CEP63: variants seen among roughly 807,000 people sequenced by gnomAD.
CEP63 encodes centrosomal protein of 63 kDa.
In CEP63, 84 loss-of-function variants were observed where a neutral mutation model predicts 89.1. The observed-to-expected ratio is 0.94, with a 90% CI of 0.79 to 1.13. The LOEUF (loss-of-function observed/expected upper bound fraction) is 1.13, where lower values mean the gene tolerates loss of function less well. CEP63 is among the 50% of genes most tolerant of loss of function. The probability of loss-of-function intolerance (pLI) is 0.00; values close to 1 mark genes in which losing one functional copy is unlikely to be tolerated. For missense variants in CEP63, 838 were observed against 813.3 expected, an observed-to-expected ratio of 1.03 and a Z score of -0.37; for synonymous variants, 267 against 272.5, an observed-to-expected ratio of 0.98 and a Z score of 0.20.
At chr3:134,716,882 A>T in the CEP63 span, among the ~76,000 whole-genome samples, 1 of 136,518 alleles carries the variant, frequency 7.3e-6, no homozygotes. Context: ...TGCAACACTC[A>T]AGTACAAAAG....
chr3:134,597,044 G>A, the CEP63 span, among the ~76,000 whole-genome samples: 1 of 152,190 alleles, frequency 6.6e-6, no homozygotes, highest in Admixed American at 6.5e-5. Context: ...TCACATGGTT[G>A]ATGATTCTAA....
At chr3:134,548,518 A>G (rs1954105555) in intron 9 of CEP63, among the ~76,000 whole-genome samples, 1 of 152,188 alleles carries the variant, frequency 6.6e-6, no homozygotes, top group African/African-American at 2.4e-5. Context: ...CTTGTTTTAA[A>G]CACATGAATC....
At chr3:134,511,782 A>G (rs1020863036) in intron 3 of CEP63, among the ~76,000 whole-genome samples, 5 of 152,122 alleles carry the variant, frequency 3.3e-5, no homozygotes, top group Non-Finnish European at 5.9e-5. Context: ...TATCACAAGA[A>G]CAGCAAGGGG....
the CEP63 span, chr3:134,606,936 G>C: frequency 1.0e-6 from 1 of 984,414 alleles, no homozygotes; most frequent in African/African-American, 1.8e-5. Context: ...TCCCTATTTT[G>C]TTTCCTTCCC....
downstream of CEP63, among the ~76,000 whole-genome samples, chr3:134,590,738 C>T (rs1958581531): frequency 6.6e-6 from 1 of 152,074 alleles, no homozygotes; most frequent in Non-Finnish European, 1.5e-5. Flanking sequence ...CTAGCATTTG[C>T]TTAGTTTTTT....
chr3:134,643,849 C>G, the CEP63 span, among the ~76,000 whole-genome samples: 17 of 130,698 alleles, frequency 1.3e-4, no homozygotes, highest in Admixed American at 1.2e-3. Flanking sequence ...TTTTTTGAGA[C>G]GGAGTCTCGC....
chr3:134,621,364 A>G, the CEP63 span, among the ~76,000 whole-genome samples: 1 of 152,204 alleles, frequency 6.6e-6, no homozygotes, highest in Admixed American at 6.5e-5. Flanking sequence ...ACTGCCATGA[A>G]GATTATATAG....
At chr3:134,707,818 T>A in the CEP63 span, among the ~76,000 whole-genome samples, 1 of 142,040 alleles carries the variant, frequency 7.0e-6, no homozygotes, top group Admixed American at 7.6e-5. Flanking sequence ...TCAGTCCTCC[T>A]CTCACTCTGG....
chr3:134,727,536 A>G, the CEP63 span, among the ~76,000 whole-genome samples: 5 of 152,334 alleles, frequency 3.3e-5, no homozygotes, highest in African/African-American at 1.2e-4. Flanking sequence ...CTGAAGAAGG[A>G]TAAAGGCCAC....
chr3:134,696,760 C>T, the CEP63 span, among the ~76,000 whole-genome samples: 1 of 152,060 alleles, frequency 6.6e-6, no homozygotes, highest in African/African-American at 2.4e-5. Flanking sequence ...ATGTATATTG[C>T]TTTTTTCCTT....
At chr3:134,583,799 C>T (rs942253098) in intron 10 of CEP63, among the ~76,000 whole-genome samples, 1 of 152,032 alleles carries the variant, frequency 6.6e-6, no homozygotes, top group Admixed American at 6.5e-5. Flanking sequence ...ATATTGATTC[C>T]TCCTATCCAT....
chr3:134,611,773 A>T, the CEP63 span, among the ~76,000 whole-genome samples: 1 of 152,226 alleles, frequency 6.6e-6, no homozygotes, highest in African/African-American at 2.4e-5. Flanking sequence ...GCCCTTCCAC[A>T]GACCAGGGCT....
chr3:134,652,327 G>A, the CEP63 span, among the ~76,000 whole-genome samples: 1 of 152,180 alleles, frequency 6.6e-6, no homozygotes, highest in South Asian at 2.1e-4. Flanking sequence ...GACTGATGGA[G>A]CAGAGAAGCA....
chr3:134,754,770 A>G, the CEP63 span, among the ~76,000 whole-genome samples: 3 of 152,142 alleles, frequency 2.0e-5, no homozygotes, highest in East Asian at 1.9e-4. Context: ...TTGTCTTCTT[A>G]AAAAGGGCTC....
At chr3:134,567,523 A>T (rs528176371), downstream of CEP63, among the ~76,000 whole-genome samples, 1 of 149,526 alleles carries the variant, frequency 6.7e-6, no homozygotes, top group Admixed American at 6.7e-5. Flanking sequence ...TATCAAGTTT[A>T]TATTAAGGGA....
chr3:134,509,483 C>G (rs1319271444), intron 3 of CEP63, among the ~76,000 whole-genome samples: 3 of 152,198 alleles, frequency 2.0e-5, no homozygotes, highest in African/African-American at 7.2e-5. Context: ...AACAAACTTT[C>G]TTCTCTTGCT....
the CEP63 span, among the ~76,000 whole-genome samples, chr3:134,652,220 T>G: frequency 2.0e-5 from 3 of 152,168 alleles, no homozygotes; most frequent in African/African-American, 7.2e-5. Context: ...ATGGCATGAA[T>G]GTAAGGCGCC....
the CEP63 span, among the ~76,000 whole-genome samples, chr3:134,771,641 G>T: frequency 6.6e-6 from 1 of 152,156 alleles, no homozygotes; most frequent in Non-Finnish European, 1.5e-5. Context: ...TCCTGTCAGT[G>T]GGTGGTGGGA....
At chr3:134,511,802 C>T (rs1328326733) in intron 3 of CEP63, among the ~76,000 whole-genome samples, 1 of 152,126 alleles carries the variant, frequency 6.6e-6, no homozygotes, top group Non-Finnish European at 1.5e-5. Context: ...GGAAGTCTGC[C>T]CCCATGAGCC....
Sources: allele counts gnomAD v4.1 joint callset (sites outside exome capture counted in the v4.1 genomes callset), GRCh38; gene constraint gnomAD v4.1.1; transcripts MANE v1.5; gene names NCBI Gene and HGNC (gene_info 2026-07-23, HGNC 2026-07-21).